The following RYR2 variants were observed in gnomAD, a reference collection of about 807,000 sequenced individuals.
The protein encoded by RYR2 is ryanodine receptor 2.
Under a neutral mutation model 601.1 loss-of-function variants are expected in RYR2, and 227 were observed. That is an observed-to-expected ratio of 0.38 (90% CI 0.34 to 0.42). The LOEUF is 0.42. Among genes scored for constraint, RYR2 ranks in the 10% least tolerant of loss-of-function variants. The pLI is 1.00. For synonymous variants in RYR2, 2,223 were observed against 2,175.1 expected, an observed-to-expected ratio of 1.02 and a Z score of -0.61; for missense variants, 4,646 against 6,156.5, an observed-to-expected ratio of 0.75 and a Z score of 8.21.
chr1:237,204,288 C>T (rs1353511929), intron 1 of RYR2, among the ~76,000 whole-genome samples: 1 of 151,896 alleles, frequency 6.6e-6, no homozygotes, highest in African/African-American at 2.4e-5. Context: ...GGATTACAGG[C>T]GTGAGCCACC....
chr1:237,789,265 T>C (rs1337851794), intron 92 of RYR2, among the ~76,000 whole-genome samples: 2 of 152,264 alleles, frequency 1.3e-5, no homozygotes, highest in African/African-American at 4.8e-5. Flanking sequence ...CAATGAACTA[T>C]AGAATTTCAC....
In RYR2 at chr1:237,132,031, T is replaced by A. The variant is rs1672225540; in HGVS notation, c.48+89462T>A. Among the ~76,000 whole-genome samples the A allele has an allele frequency of 2.0e-5, 3 of 152,182 alleles. No individual in the cohort carries two copies. In the South Asian group the frequency reaches 6.2e-4, roughly 32 times the overall value. On this transcript the variant is annotated intron_variant, in intron 1 of 104. Coordinates refer to ENST00000366574, the MANE Select transcript of RYR2 (RefSeq NM_001035.3). ...GAGCCACCGTGTCTGGCCCAAGTAT[T>A]CATAATCTTGCATACTTTCTTCACA...
intron 52 of RYR2, 50 bp downstream of exon 52, chr1:237,654,464 C>CCACA: frequency 6.4e-7 from 1 of 1,568,744 alleles, no homozygotes; most frequent in Non-Finnish European, 8.7e-7. Flanking sequence ...TGGTATAGAG[C>CCACA]CACACATTCT....
At chr1:237,186,447 A>G (rs1447974070) in intron 1 of RYR2, among the ~76,000 whole-genome samples, 1 of 152,196 alleles carries the variant, frequency 6.6e-6, no homozygotes, top group Non-Finnish European at 1.5e-5. Context: ...GTGTCTGTTT[A>G]ACTGGACTCA....
chr1:237,451,319 G>A (rs573622494), intron 14 of RYR2, among the ~76,000 whole-genome samples: 6 of 152,040 alleles, frequency 3.9e-5, no homozygotes, highest in South Asian at 2.1e-4. Context: ...ACCTGTAATC[G>A]TAGCACTTTT....
At chr1:237,387,970 T>G in intron 9 of RYR2, 117 bp from the exon 10 acceptor site, 1 of 947,178 alleles carries the variant, frequency 1.1e-6, no homozygotes. Flanking sequence ...GCCAGGTCCT[T>G]AAGACTCACT....
At chr1:237,312,168 G>C (rs1694642540) in intron 2 of RYR2, among the ~76,000 whole-genome samples, 1 of 152,062 alleles carries the variant, frequency 6.6e-6, no homozygotes, top group Non-Finnish European at 1.5e-5. Context: ...GGTTATGAAG[G>C]GTGTTCATAA....
chr1:237,145,222 TAAAAA>T (rs544342353), intron 1 of RYR2, among the ~76,000 whole-genome samples: 2 of 139,236 alleles, frequency 1.4e-5, no homozygotes, highest in African/African-American at 2.6e-5. Context: ...AGTATAATAA[TAAAAA>T]AAAAAAGAAA....
intron 2 of RYR2, among the ~76,000 whole-genome samples, chr1:237,318,869 G>A (rs1695346485): frequency 6.6e-6 from 1 of 151,940 alleles, no homozygotes; most frequent in Admixed American, 6.6e-5. Context: ...TGGAAGTTTG[G>A]GGCCATTCAT....
At chr1:237,377,538 C>A in intron 8 of RYR2, 103 bp downstream of exon 8, 1 of 828,400 alleles carries the variant, frequency 1.2e-6, no homozygotes, top group Non-Finnish European at 1.9e-6. Flanking sequence ...ATGAAAATTG[C>A]TTATAACCAT....
chr1:237,610,492 C>T lies in RYR2; in HGVS notation c.4684-270C>T, dbSNP rs1677719083. ...GATATATGGGTATGCTTGGCCTTCT[C>T]TCTGTGCCATTCAGTATATGGGAAA... is the stretch of plus-strand genomic sequence containing the variant. On this transcript the variant is annotated intron_variant, in intron 35 of 104. Coordinates refer to ENST00000366574, the MANE Select transcript of RYR2 (RefSeq NM_001035.3). This position sits in a 1 kb window ranked among gnomAD's most constrained non-coding sequence, Gnocchi z 4.9. Among the ~76,000 whole-genome samples the T allele has an allele frequency of 6.6e-6, 1 of 152,180 alleles. No individual in the cohort carries two copies. Among genetic ancestry groups the T allele is most frequent in the Admixed American group, 6.5e-5 (1 of 15,276 alleles).
Position 237,503,953 on chromosome 1 carries a change from C to T in RYR2, c.2613+448C>T, listed in dbSNP as rs1464850140. 2.0e-5 allele frequency among the ~76,000 whole-genome samples: 3 copies of T among 152,138 alleles called. No individual in the cohort carries two copies. In the East Asian group the frequency reaches 5.8e-4, roughly 29 times the overall value. On this transcript the variant is annotated intron_variant, in intron 22 of 104. Coordinates refer to ENST00000366574, the MANE Select transcript of RYR2 (RefSeq NM_001035.3). Reference sequence around the variant, plus strand: ...GAACTCCTGATCTCAGGTGATCCACCCGCTTTGGCCTCCCAAAGTGTTGGG... The same window carrying T: ...GAACTCCTGATCTCAGGTGATCCACTCGCTTTGGCCTCCCAAAGTGTTGGG...
chr1:237,204,808 G>T (rs1558420817), intron 1 of RYR2, among the ~76,000 whole-genome samples: 1 of 152,222 alleles, frequency 6.6e-6, no homozygotes, highest in African/African-American at 2.4e-5. Context: ...CAACGACTGA[G>T]CCCCTGGCAT....
intron 27 of RYR2, among the ~76,000 whole-genome samples, chr1:237,565,149 CTTTCTTTCTCTT>C (rs2148232929): frequency 7.8e-5 from 9 of 115,054 alleles, no homozygotes; most frequent in Admixed American, 3.8e-4. Flanking sequence ...CTTTTTCTTT[CTTTCTTTCTCTT>C]TCTTTCTTTC....
chr1:237,819,806 G>A lies in RYR2; in HGVS notation c.14590+614G>A, dbSNP rs886362735. On this transcript the variant is annotated intron_variant, in intron 101 of 104. Coordinates refer to ENST00000366574, the MANE Select transcript of RYR2 (RefSeq NM_001035.3). This position sits in a 1 kb window ranked among gnomAD's most constrained non-coding sequence, Gnocchi z 4.0. The stretch of plus-strand genomic sequence containing the variant: ...GCACTCCAGCCTGGGCAACAAGAGC[G>A]AAACTCCATTTCAAAACACACACTC... Among the ~76,000 whole-genome samples, 41 of 151,502 alleles carry A rather than the reference G, an allele frequency of 2.7e-4. No homozygotes were observed. Among genetic ancestry groups the A allele is most frequent in the African/African-American group, 7.5e-4 (31 of 41,154 alleles).
At chr1:237,092,591 G>A (rs574651962) in intron 1 of RYR2, among the ~76,000 whole-genome samples, 56 of 148,478 alleles carry the variant, frequency 3.8e-4, no homozygotes, top group Admixed American at 6.8e-4. Flanking sequence ...GTGCCGTGGT[G>A]TGATTTCGGC....
intron 1 of RYR2, among the ~76,000 whole-genome samples, chr1:237,246,032 G>T (rs539341050): frequency 6.6e-6 from 1 of 151,736 alleles, no homozygotes; most frequent in Non-Finnish European, 1.5e-5. Context: ...TGCCCGCCTT[G>T]GCCTCCCAAA....
chr1:237,534,397 A>T (rs1322660896), intron 25 of RYR2, among the ~76,000 whole-genome samples: 1 of 152,086 alleles, frequency 6.6e-6, no homozygotes, highest in East Asian at 1.9e-4. Flanking sequence ...CAAATCTCAG[A>T]AACTGATATG....
At chr1:237,215,720 A>G (rs1209395908) in intron 1 of RYR2, among the ~76,000 whole-genome samples, 1 of 152,152 alleles carries the variant, frequency 6.6e-6, no homozygotes, top group Non-Finnish European at 1.5e-5. Context: ...GGGATATGGT[A>G]GGTACTTTCC....
Sources: gnomAD v4.1 joint callset for allele counts (sites outside exome capture counted in the v4.1 genomes callset) on GRCh38, gnomAD v4.1.1 for gene constraint, Gnocchi (gnomAD v3.1) non-coding constraint, MANE v1.5 for transcripts, NCBI Gene and HGNC (gene_info 2026-07-23, HGNC 2026-07-21) for gene names.